Variants in GATA4 observed in about 807,000 individuals in gnomAD.
GATA4 encodes the protein GATA binding protein 4, also known as transcription factor GATA-4.
In GATA4, 7 loss-of-function variants were observed where a neutral mutation model predicts 37.9. The observed-to-expected ratio is 0.18, with a 90% CI of 0.11 to 0.35. The LOEUF is 0.35. GATA4 is among the 10% of genes least tolerant of loss of function. The probability of loss-of-function intolerance (pLI) is 1.00; values close to 1 mark genes in which losing one functional copy is unlikely to be tolerated. For missense variants in GATA4, 647 were observed against 653.0 expected (o/e 0.99, Z 0.10); for synonymous variants, 372 against 292.6 (o/e 1.27, Z -2.77).
chr8:11,724,643 C>T (rs1800829698), intron 2 of GATA4, among the ~76,000 whole-genome samples: 1 of 152,224 alleles, frequency 6.6e-6, no homozygotes, highest in Non-Finnish European at 1.5e-5. Flanking sequence ...GCTGTGGGCT[C>T]CTCATCACCT....
At chr8:11,710,816 C>T (rs934101681) in intron 2 of GATA4, among the ~76,000 whole-genome samples, 6 of 152,014 alleles carry the variant, frequency 3.9e-5, no homozygotes, top group African/African-American at 1.5e-4. Context: ...TGAGTTACAT[C>T]CAGCAGTGTA....
chr8:11,697,830 C>A (rs549094061), intron 1 of GATA4: 1 of 985,446 alleles, frequency 1.0e-6, no homozygotes, highest in South Asian at 4.7e-5. Flanking sequence ...TGGGGCGTTC[C>A]GGCCACCACG....
intron 1 of GATA4, among the ~76,000 whole-genome samples, chr8:11,680,233 G>T (rs1182490677): frequency 2.0e-5 from 3 of 152,240 alleles, no homozygotes; most frequent in Non-Finnish European, 4.4e-5. Context: ...AATCTTTGGT[G>T]CAAAGCCTGA....
At chr8:11,689,445 C>G (rs1161401114), upstream of GATA4, among the ~76,000 whole-genome samples, 1 of 152,124 alleles carries the variant, frequency 6.6e-6, no homozygotes, top group African/African-American at 2.4e-5. Context: ...TGGATCACCC[C>G]CAATAAACAA....
chr8:11,695,361 G>A (rs1303893107), intron 1 of GATA4, among the ~76,000 whole-genome samples: 2 of 151,958 alleles, frequency 1.3e-5, no homozygotes, highest in African/African-American at 2.4e-5. Flanking sequence ...AGCCAAGATC[G>A]CGCCTTTGCA....
At chr8:11,686,857 G>T (rs550318343) in intron 1 of GATA4, among the ~76,000 whole-genome samples, 18 of 152,204 alleles carry the variant, frequency 1.2e-4, no homozygotes, top group Admixed American at 7.2e-4. Flanking sequence ...AATTACCTGG[G>T]CATGGTGGGG....
rs980820698 is a variant in GATA4, at chr8:11,680,397, T to C, written c.-274+3334T>C. On this transcript the variant is annotated intron_variant, in intron 1 of 6. Coordinates refer to the GATA4 transcript ENST00000528712. ...AGGCCCCTCGGATTCATTGCCACTT[T>C]CCCGCCCTCGGCCCACGAGGCTGAG... The C allele has an allele frequency of 2.7e-5, 23 of 842,738 alleles. No individual in the cohort carries two copies. In the African/African-American group the frequency reaches 3.7e-4, roughly 14 times the overall value. The allele number at this position is 842,738 out of a possible 1,614,324, so 52.2% of individuals were successfully genotyped here.
At chr8:11,693,021 C>T (rs1799372617) in intron 1 of GATA4, 1 of 985,286 alleles carries the variant, frequency 1.0e-6, no homozygotes, top group African/African-American at 1.7e-5. Context: ...ACCGAGGCTT[C>T]TGCCAGCGCC....
chr8:11,683,120 G>A, intron 1 of GATA4: 1 of 985,406 alleles, frequency 1.0e-6, no homozygotes, highest in Non-Finnish European at 1.2e-6. Context: ...CTCTTGGTGT[G>A]GTGGCCACTG....
intron 1 of GATA4, among the ~76,000 whole-genome samples, chr8:11,697,076 C>T (rs1039851866): frequency 3.9e-5 from 6 of 152,182 alleles, no homozygotes; most frequent in Admixed American, 6.5e-5. Context: ...CTGCCAGTGC[C>T]CTCCACCTAG....
intron 1 of GATA4, chr8:11,680,737 G>A (rs1305477606): frequency 2.0e-6 from 2 of 985,348 alleles, no homozygotes; most frequent in Non-Finnish European, 1.2e-6. Context: ...CCTGGGCGGC[G>A]AGGAGAGCCC....
At chr8:11,682,062 A>T (rs1403272434) in intron 1 of GATA4, among the ~76,000 whole-genome samples, 2 of 152,234 alleles carry the variant, frequency 1.3e-5, no homozygotes, top group Non-Finnish European at 2.9e-5. Flanking sequence ...CTGGATATTA[A>T]ACTGCACAGT....
At chr8:11,734,101 G>T (rs1308023033) in intron 2 of GATA4, among the ~76,000 whole-genome samples, 2 of 152,074 alleles carry the variant, frequency 1.3e-5, no homozygotes, top group East Asian at 3.8e-4. Context: ...AGCTTAAACA[G>T]CACCAAACCA....
intron 2 of GATA4, among the ~76,000 whole-genome samples, chr8:11,718,963 C>A (rs1045848912): frequency 2.0e-5 from 3 of 152,210 alleles, no homozygotes; most frequent in Non-Finnish European, 2.9e-5. Flanking sequence ...CAGGGGCAGA[C>A]AATCAGATCT....
chr8:11,690,578 G>A (rs916491718), upstream of GATA4, among the ~76,000 whole-genome samples: 17 of 152,168 alleles, frequency 1.1e-4, no homozygotes, highest in African/African-American at 4.1e-4. Context: ...AAGCTGGCCT[G>A]GTGTGGTGGC....
intron 1 of GATA4, among the ~76,000 whole-genome samples, chr8:11,679,533 A>G (rs1798886935): frequency 6.6e-6 from 1 of 152,034 alleles, no homozygotes; most frequent in Admixed American, 6.5e-5. Flanking sequence ...ATGAAAAGGA[A>G]CCCCGACTGC....
At chr8:11,700,585 G>C (rs1347596979), upstream of GATA4, 1 of 152,266 alleles carries the variant, frequency 6.6e-6, no homozygotes, top group Non-Finnish European at 1.5e-5. Flanking sequence ...CTGCCCGTGC[G>C]GGTGAGGACT....
intron 2 of GATA4, among the ~76,000 whole-genome samples, chr8:11,721,427 T>C (rs180896118): frequency 1.3e-5 from 2 of 151,038 alleles, no homozygotes; most frequent in Non-Finnish European, 2.9e-5. Context: ...ACTTCAGATA[T>C]AGCGCTTTGG....
chr8:11,725,409 T>C (rs981629258), intron 2 of GATA4, among the ~76,000 whole-genome samples: 36 of 152,226 alleles, frequency 2.4e-4, no homozygotes, highest in Non-Finnish European at 4.6e-4. Flanking sequence ...CTGGGGAATC[T>C]GATTCCGTAC....
Sources: gnomAD v4.1 joint callset for allele counts (sites outside exome capture counted in the v4.1 genomes callset) on GRCh38, gnomAD v4.1.1 for gene constraint, MANE v1.5 for transcripts, NCBI Gene and HGNC (gene_info 2026-07-23, HGNC 2026-07-21) for gene names.